Variants in CLIC4 observed in about 807,000 individuals in gnomAD.
CLIC4 encodes chloride intracellular channel protein 4.
A neutral mutation model predicts 24.6 loss-of-function variants in CLIC4; 13 were observed. That is an observed-to-expected ratio of 0.53 (90% CI 0.34 to 0.84). The LOEUF (loss-of-function observed/expected upper bound fraction) is 0.84. Ranked by LOEUF, CLIC4 falls within the 40% of genes least tolerant of loss-of-function variation. The probability of loss-of-function intolerance (pLI) is 0.01; values close to 1 mark genes in which losing one functional copy is unlikely to be tolerated. For synonymous variants in CLIC4, 104 were observed against 111.3 expected (o/e 0.93, Z 0.41); for missense variants, 227 against 301.7 (o/e 0.75, Z 1.83).
intron 2 of CLIC4, among the ~76,000 whole-genome samples, chr1:24,802,534 A>G (rs1334910359): frequency 6.6e-6 from 1 of 152,054 alleles, no homozygotes; most frequent in Non-Finnish European, 1.5e-5. Flanking sequence ...GTCTTTAACA[A>G]TCATAGGTCT....
intron 2 of CLIC4, among the ~76,000 whole-genome samples, chr1:24,812,863 T>G (rs1278440031): frequency 1.3e-5 from 2 of 150,952 alleles, no homozygotes; most frequent in Admixed American, 6.6e-5. Context: ...GAACTACAGG[T>G]GCATGCCACC....
At chr1:24,754,838 G>A (rs1263906930) in intron 1 of CLIC4, among the ~76,000 whole-genome samples, 4 of 152,002 alleles carry the variant, frequency 2.6e-5, no homozygotes, top group Non-Finnish European at 5.9e-5. Flanking sequence ...TTGGGAGACC[G>A]AGGTGGGTGG....
In CLIC4 at chr1:24,839,846, T is replaced by A. The variant is rs184091774; in HGVS notation, c.416-14T>A. ...CTTCTTACAGTATTCTCATCTCTTT[T>A]TTTCCCCCCCAAGCACTGGAGAGGG... On this transcript the variant is annotated splice_polypyrimidine_tract_variant and intron_variant, in intron 4 of 5. Transcript: ENST00000374379. The A allele has an allele frequency of 5.9e-4, 948 of 1,603,114 alleles. 3 individuals carry two copies. Among genetic ancestry groups the A allele is most frequent in the Middle Eastern group, 3.4e-3 (15 of 4,388 alleles).
intron 3 of CLIC4, among the ~76,000 whole-genome samples, chr1:24,824,916 G>A (rs1188007811): frequency 4.0e-5 from 6 of 151,262 alleles, no homozygotes; most frequent in Non-Finnish European, 7.4e-5. Context: ...TGGGAGGATC[G>A]CTTGAGCCCA....
At chr1:24,775,742 T>C (rs886863304) in intron 1 of CLIC4, among the ~76,000 whole-genome samples, 11 of 151,908 alleles carry the variant, frequency 7.2e-5, no homozygotes, top group Non-Finnish European at 1.5e-5. Flanking sequence ...TCTTTCGTTA[T>C]TTGAACATAG....
At chr1:24,799,118 G>A (rs1639441673) in intron 2 of CLIC4, among the ~76,000 whole-genome samples, 1 of 151,602 alleles carries the variant, frequency 6.6e-6, no homozygotes, top group Non-Finnish European at 1.5e-5. Flanking sequence ...CGTCTGGGAT[G>A]TGAGGAGCCC....
intron 3 of CLIC4, among the ~76,000 whole-genome samples, chr1:24,818,502 G>A (rs1422880338): frequency 5.3e-5 from 8 of 152,096 alleles, no homozygotes. Context: ...GGCCAGGCTT[G>A]TCTCGAAATC....
intron 1 of CLIC4, among the ~76,000 whole-genome samples, chr1:24,766,982 C>T (rs1981195): frequency 0.82 from 117,263 of 143,818 alleles, 47,828 homozygotes; most frequent in African/African-American, 0.88. Flanking sequence ...AGAAGAATTA[C>T]CTTGGGCCAC....
At chr1:24,766,919 T>A (rs557814358) in intron 1 of CLIC4, among the ~76,000 whole-genome samples, 1 of 150,934 alleles carries the variant, frequency 6.6e-6, no homozygotes, top group South Asian at 2.1e-4. Flanking sequence ...TTTAGTATTA[T>A]GCTGTTAGAG....
At chr1:24,769,751 TA>T (rs1168506424) in intron 1 of CLIC4, among the ~76,000 whole-genome samples, 1 of 152,216 alleles carries the variant, frequency 6.6e-6, no homozygotes, top group Non-Finnish European at 1.5e-5. Flanking sequence ...GAAAGGCAAC[TA>T]AAATTTCCAT....
chr1:24,818,647 A>G (rs1308674235), intron 3 of CLIC4, among the ~76,000 whole-genome samples: 1 of 152,106 alleles, frequency 6.6e-6, no homozygotes, highest in Non-Finnish European at 1.5e-5. Flanking sequence ...CAAAGCATTA[A>G]TGGACTACAA....
intron 1 of CLIC4, among the ~76,000 whole-genome samples, chr1:24,746,357 G>T (rs1054731410): frequency 4.6e-5 from 7 of 152,198 alleles, no homozygotes; most frequent in Non-Finnish European, 5.9e-5. Context: ...TGTTTTGAAA[G>T]AAATTGAGGG....
At chr1:24,758,360 A>G (rs1427292560) in intron 1 of CLIC4, among the ~76,000 whole-genome samples, 5 of 150,802 alleles carry the variant, frequency 3.3e-5, no homozygotes, top group African/African-American at 4.9e-5. Flanking sequence ...CAGTGGTTCA[A>G]TCTCAGCTCA....
chr1:24,816,743 A>G (rs1003594081), intron 3 of CLIC4, among the ~76,000 whole-genome samples: 1 of 152,220 alleles, frequency 6.6e-6, no homozygotes, highest in African/African-American at 2.4e-5. Context: ...CTCCCTGTAT[A>G]TCTCTATCAG....
rs186589040 is a variant in CLIC4, at chr1:24,813,666, G to T, written c.183-428G>T. ...ACTCCTGACCTCAGGTGATCCACCCGCCTCGGCCTCCCAAAGGGCTGGGAT... is the reference window on the plus strand; with the variant it reads ...ACTCCTGACCTCAGGTGATCCACCCTCCTCGGCCTCCCAAAGGGCTGGGAT... On this transcript the variant is annotated intron_variant, in intron 2 of 5. Transcript: ENST00000374379. Among the ~76,000 whole-genome samples the T allele has an allele frequency of 5.6e-3, 850 of 151,486 alleles. 8 individuals carry two copies. The highest frequency in any genetic ancestry group is 0.02 in the African/African-American group (816 of 41,254).
At chr1:24,785,115 A>G (rs1194012113) in intron 1 of CLIC4, among the ~76,000 whole-genome samples, 1 of 148,260 alleles carries the variant, frequency 6.7e-6, no homozygotes, top group Non-Finnish European at 1.5e-5. Flanking sequence ...TCGGGTCGTA[A>G]TCTATGTCAG....
At position 24,788,653 on chromosome 1, in the gene CLIC4, C is replaced by T. The variant is rs1433619717; in HGVS notation, c.73-9089C>T. 2.0e-5 allele frequency among the ~76,000 whole-genome samples: 3 copies of T among 152,142 alleles called. No individual in the cohort carries two copies. In the East Asian group the frequency reaches 5.8e-4, roughly 29 times the overall value. On this transcript the variant is annotated intron_variant, in intron 1 of 5. Coordinates refer to ENST00000374379, the MANE Select transcript of CLIC4 (RefSeq NM_013943.3). ...TGCTTTTAATTGTCAAATAATATTC[C>T]ACTGTATGGATATGTCACATATTAT...
rs1193717312 is a variant in CLIC4 at position 24,774,006 on chromosome 1, T to C, written c.73-23736T>C. 2.6e-5 allele frequency among the ~76,000 whole-genome samples: 4 copies of C among 152,214 alleles called. No individual in the cohort carries two copies. The South Asian group carries it at 6.2e-4, about 24-fold the overall frequency. The stretch of plus-strand genomic sequence containing the variant: ...TTTTGTTGTATAAATGGAGTCTCCC[T>C]CTGTGGCCCTGGCTGGAGTGCAGTG... On this transcript the variant is annotated intron_variant, in intron 1 of 5. Transcript: ENST00000374379.
intron 1 of CLIC4, among the ~76,000 whole-genome samples, chr1:24,757,640 G>T (rs1638868400): frequency 6.6e-6 from 1 of 152,080 alleles, no homozygotes. Flanking sequence ...AAAAGTGGTA[G>T]CTGTGAAAAC....
Sources: gnomAD v4.1 joint callset for allele counts (sites outside exome capture counted in the v4.1 genomes callset) on GRCh38, gnomAD v4.1.1 for gene constraint, MANE v1.5 for transcripts, NCBI Gene and HGNC (gene_info 2026-07-23, HGNC 2026-07-21) for gene names.